NSMCE2: variants seen among roughly 807,000 people sequenced by gnomAD.
The protein encoded by NSMCE2 is E3 SUMO-protein ligase NSE2.
NSMCE2 carries 24 observed loss-of-function variants against 23.8 expected under a neutral mutation model. The observed-to-expected ratio is 1.01, with a 90% CI of 0.73 to 1.42. NSMCE2 has a LOEUF of 1.42. Ranked by LOEUF, NSMCE2 falls within the 40% of genes most tolerant of loss-of-function variation. The pLI, the probability that NSMCE2 is intolerant of heterozygous loss-of-function variation, is 0.00. For missense variants in NSMCE2, 284 were observed against 296.5 expected (o/e 0.96, Z 0.31); for synonymous variants, 92 against 94.1 (o/e 0.98, Z 0.13).
chr8:125,338,011 T>C (rs1830119730), intron 5 of NSMCE2, among the ~76,000 whole-genome samples: 2 of 152,152 alleles, frequency 1.3e-5, no homozygotes, highest in South Asian at 2.1e-4. Flanking sequence ...ATGTTGATAA[T>C]GATTGAAAGG....
intron 4 of NSMCE2, among the ~76,000 whole-genome samples, chr8:125,171,469 G>T (rs745446571): frequency 3.0e-4 from 45 of 152,192 alleles, no homozygotes; most frequent in Non-Finnish European, 2.9e-5. Context: ...CTCAGCTTCA[G>T]TTCCTAATCA....
intron 5 of NSMCE2, among the ~76,000 whole-genome samples, chr8:125,287,524 C>A (rs925444761): frequency 1.3e-5 from 2 of 152,102 alleles, no homozygotes; most frequent in Admixed American, 1.3e-4. Context: ...AAATAAATGA[C>A]CTAAGTAAGA....
At chr8:125,129,878 C>T (rs1819677986) in intron 3 of NSMCE2, among the ~76,000 whole-genome samples, 1 of 152,080 alleles carries the variant, frequency 6.6e-6, no homozygotes, top group South Asian at 2.1e-4. Flanking sequence ...TACCCTCACA[C>T]AGTTCCCTCA....
At chr8:125,270,451 C>T (rs1171570605) in intron 5 of NSMCE2, among the ~76,000 whole-genome samples, 1 of 151,964 alleles carries the variant, frequency 6.6e-6, no homozygotes, top group Non-Finnish European at 1.5e-5. Flanking sequence ...GGTGACAGAG[C>T]GAGACTGTGT....
chr8:125,133,171 A>G (rs1819861122), intron 3 of NSMCE2, among the ~76,000 whole-genome samples: 1 of 152,242 alleles, frequency 6.6e-6, no homozygotes, highest in Non-Finnish European at 1.5e-5. Context: ...CTAGAGGATG[A>G]TAATTTGTAG....
chr8:125,338,147 C>T (rs73704935), intron 5 of NSMCE2, among the ~76,000 whole-genome samples: 4,934 of 152,136 alleles, frequency 0.032, 248 homozygotes, highest in African/African-American at 0.11. Flanking sequence ...TGTGACCTCC[C>T]AGGTCACATA....
intron 1 of NSMCE2, among the ~76,000 whole-genome samples, chr8:125,092,262 T>G (rs1006277419): frequency 3.9e-5 from 6 of 152,222 alleles, no homozygotes; most frequent in Non-Finnish European, 8.8e-5. Flanking sequence ...GGACCTCAAT[T>G]TCCTCTTCAG....
At chr8:125,188,244 C>T (rs115692988) in intron 5 of NSMCE2, among the ~76,000 whole-genome samples, 269 of 152,310 alleles carry the variant, frequency 1.8e-3, no homozygotes, top group African/African-American at 6.0e-3. Flanking sequence ...TTTTCCGTCT[C>T]CTTCAGCATC....
intron 5 of NSMCE2, among the ~76,000 whole-genome samples, chr8:125,231,160 G>A (rs553711804): frequency 2.0e-5 from 3 of 152,292 alleles, no homozygotes; most frequent in South Asian, 2.1e-4. Context: ...GTCCTAGAAA[G>A]AAGCATTAAT....
At chr8:125,103,571 T>C (rs565202640) in intron 3 of NSMCE2, among the ~76,000 whole-genome samples, 29 of 152,304 alleles carry the variant, frequency 1.9e-4, no homozygotes, top group African/African-American at 7.0e-4. Flanking sequence ...ATTTTTTTAA[T>C]TCCTCTGCTC....
intron 3 of NSMCE2, among the ~76,000 whole-genome samples, chr8:125,133,336 T>C (rs1026895033): frequency 6.6e-6 from 1 of 152,162 alleles, no homozygotes; most frequent in Non-Finnish European, 1.5e-5. Context: ...TTACATCCAG[T>C]TTTGGTTTTC....
chr8:125,257,093 G>A (rs1826465689), intron 5 of NSMCE2, among the ~76,000 whole-genome samples: 1 of 151,524 alleles, frequency 6.6e-6, no homozygotes, highest in Admixed American at 6.6e-5. Context: ...AGGCCAGGCT[G>A]GCCAACATGG....
intron 5 of NSMCE2, among the ~76,000 whole-genome samples, chr8:125,355,336 A>G (rs1265742616): frequency 6.6e-6 from 1 of 152,196 alleles, no homozygotes; most frequent in East Asian, 1.9e-4. Context: ...GAAGGGAGAA[A>G]AGAGTAGAGA....
Position 125,366,919 on chromosome 8 carries a change from C to T in NSMCE2, c.*34C>T. ...ACCTGCCTGCAGGGACACCAGCAGC[C>T]TACCTCCTACCCCAGCTGTCTGTTG... is the stretch of plus-strand genomic sequence containing the variant. On this transcript the variant is annotated 3_prime_UTR_variant, in exon 8 of 8. Coordinates refer to ENST00000287437, the MANE Select transcript of NSMCE2 (RefSeq NM_173685.4). The T allele has an allele frequency of 1.7e-6, 2 of 1,164,628 alleles. No individual in the cohort carries two copies. Among genetic ancestry groups the T allele is most frequent in the Non-Finnish European group, 2.6e-6 (2 of 770,442 alleles). 72.1% of individuals were successfully genotyped at this position (1,164,628 alleles called of 1,614,324 possible). A position where few individuals can be genotyped will look rare whatever the true frequency, so the allele number is the denominator to read the frequency against.
intron 4 of NSMCE2, among the ~76,000 whole-genome samples, chr8:125,177,046 A>AT (rs1033471599): frequency 6.6e-6 from 1 of 152,242 alleles, no homozygotes; most frequent in Admixed American, 6.5e-5. Flanking sequence ...GTTTTCTCAA[A>AT]TGAAATTTGT....
At chr8:125,310,305 C>A (rs1828929125) in intron 5 of NSMCE2, among the ~76,000 whole-genome samples, 1 of 152,058 alleles carries the variant, frequency 6.6e-6, no homozygotes, top group East Asian at 1.9e-4. Context: ...AGTTATTTAA[C>A]CTTTTTTGCT....
In NSMCE2 at chr8:125,213,323, C is replaced by G. The variant is rs568582435; in HGVS notation, c.418+31067C>G. Reference sequence around the variant, plus strand: ...AGGAAACTAGTCACATTATTAATTGCATTCTCTCTTGGCCAAAGGTTTAGC... The same window carrying G: ...AGGAAACTAGTCACATTATTAATTGGATTCTCTCTTGGCCAAAGGTTTAGC... On this transcript the variant is annotated intron_variant, in intron 5 of 7. Coordinates refer to ENST00000287437, the MANE Select transcript of NSMCE2 (RefSeq NM_173685.4). 3.1e-3 allele frequency among the ~76,000 whole-genome samples: 468 copies of G among 152,208 alleles called. 3 individuals carry two copies. Among genetic ancestry groups the G allele is most frequent in the African/African-American group, 0.011 (450 of 41,520 alleles).
intron 5 of NSMCE2, among the ~76,000 whole-genome samples, chr8:125,197,822 A>G (rs183451311): frequency 2.0e-5 from 3 of 152,354 alleles, no homozygotes; most frequent in Admixed American, 2.0e-4. Flanking sequence ...CCTATCCATG[A>G]GTATGAAATG....
At chr8:125,185,583 G>A (rs1823055918) in intron 5 of NSMCE2, among the ~76,000 whole-genome samples, 1 of 152,204 alleles carries the variant, frequency 6.6e-6, no homozygotes, top group Non-Finnish European at 1.5e-5. Flanking sequence ...TGGGATTACA[G>A]GCGTGAGCCA....
Sources: allele counts gnomAD v4.1 joint callset (sites outside exome capture counted in the v4.1 genomes callset), GRCh38; gene constraint gnomAD v4.1.1; transcripts MANE v1.5; gene names NCBI Gene and HGNC (gene_info 2026-07-23, HGNC 2026-07-21).